The following GPC6 variants were observed in gnomAD, a reference collection of about 807,000 sequenced individuals.
The protein encoded by GPC6 is glypican-6.
In GPC6, 14 loss-of-function variants were observed where a neutral mutation model predicts 55.2. That is an observed-to-expected ratio of 0.25 (90% CI 0.17 to 0.40). GPC6 has a LOEUF of 0.40. GPC6 is among the 10% of genes least tolerant of loss of function. GPC6 has a pLI of 1.00. For missense variants in GPC6, 641 were observed against 708.5 expected (o/e 0.90, Z 1.08); for synonymous variants, 278 against 259.6 (o/e 1.07, Z -0.68).
At chr13:93,245,223 AAC>A (rs1876558380) in intron 1 of GPC6, among the ~76,000 whole-genome samples, 1 of 152,230 alleles carries the variant, frequency 6.6e-6, no homozygotes, top group South Asian at 2.1e-4. Flanking sequence ...CTTAAAATTT[AAC>A]AGTCTTCTAG....
chr13:94,162,418 C>T (rs762966163), intron 4 of GPC6, among the ~76,000 whole-genome samples: 3 of 152,158 alleles, frequency 2.0e-5, no homozygotes, highest in African/African-American at 4.8e-5. Context: ...TTGCAAGGAT[C>T]CCTCAGCAAA....
intron 2 of GPC6, among the ~76,000 whole-genome samples, chr13:93,684,309 C>G (rs1039824831): frequency 2.6e-5 from 4 of 152,022 alleles, no homozygotes; most frequent in Non-Finnish European, 5.9e-5. Flanking sequence ...CCTCAACCTC[C>G]CGAGTAGCTG....
chr13:93,911,558 G>T (rs912760235), intron 3 of GPC6, among the ~76,000 whole-genome samples: 1 of 152,182 alleles, frequency 6.6e-6, no homozygotes, highest in Non-Finnish European at 1.5e-5. Flanking sequence ...CTGCATGGCA[G>T]TGTTGGGAAA....
intron 4 of GPC6, among the ~76,000 whole-genome samples, chr13:94,181,335 C>G (rs1888986078): frequency 1.3e-5 from 2 of 152,166 alleles, no homozygotes; most frequent in Non-Finnish European, 2.9e-5. Context: ...AAATTTCTCT[C>G]TTTGTACTCT....
At chr13:93,864,179 C>G (rs1223442947) in intron 3 of GPC6, among the ~76,000 whole-genome samples, 3 of 151,548 alleles carry the variant, frequency 2.0e-5, no homozygotes, top group Non-Finnish European at 4.4e-5. Context: ...TTATAATAAC[C>G]AAATTAATAT....
rs1458665357 is a variant in GPC6 at position 93,541,349 on chromosome 13, C to T, written c.161-3914C>T. On this transcript the variant is annotated intron_variant, in intron 1 of 8. Coordinates refer to ENST00000377047, the MANE Select transcript of GPC6 (RefSeq NM_005708.5). ...ATTTCATCCATGTCCCTACAAAGGA[C>T]ATGAACTCATCATTTTTTATGGCTG... 1.7e-4 allele frequency among the ~76,000 whole-genome samples: 24 copies of T among 137,518 alleles called. 1 individual carries two copies. The highest frequency in any genetic ancestry group is 6.3e-5 in the Non-Finnish European group (4 of 63,828). 90.2% of individuals were successfully genotyped at this position (137,518 alleles called of 152,430 possible).
intron 1 of GPC6, among the ~76,000 whole-genome samples, chr13:93,472,481 G>A (rs11619626): frequency 0.15 from 22,159 of 152,216 alleles, 1,848 homozygotes; most frequent in Non-Finnish European, 0.19. Flanking sequence ...TCCAGGTGCC[G>A]GCATGGGCGC....
At chr13:93,385,896 A>G (rs1875377121) in intron 1 of GPC6, among the ~76,000 whole-genome samples, 1 of 152,072 alleles carries the variant, frequency 6.6e-6, no homozygotes, top group South Asian at 2.1e-4. Flanking sequence ...TCAGAGTTTT[A>G]CAATTCTCAT....
chr13:94,304,341 A>G (rs1413775519), intron 5 of GPC6, among the ~76,000 whole-genome samples: 1 of 152,216 alleles, frequency 6.6e-6, no homozygotes, highest in Non-Finnish European at 1.5e-5. Context: ...ATTGTGTCTC[A>G]AGACGGAATT....
intron 1 of GPC6, among the ~76,000 whole-genome samples, chr13:93,353,992 T>A (rs1277896098): frequency 3.3e-5 from 5 of 152,218 alleles, no homozygotes; most frequent in Non-Finnish European, 5.9e-5. Flanking sequence ...GAACTCTTGA[T>A]GTTTTCCAAG....
intron 2 of GPC6, among the ~76,000 whole-genome samples, chr13:93,738,964 CACACACACTCACACACAT>C (rs1884101971): frequency 6.8e-6 from 1 of 146,094 alleles, no homozygotes; most frequent in Non-Finnish European, 1.5e-5. Flanking sequence ...CACACACACA[CACACACACTCACACACAT>C]GAAATATCAA....
intron 3 of GPC6, among the ~76,000 whole-genome samples, chr13:93,928,046 T>C (rs577306721): frequency 6.6e-6 from 1 of 152,228 alleles, no homozygotes; most frequent in South Asian, 2.1e-4. Context: ...GGTTCCTTTA[T>C]TGATTTCCTG....
intron 1 of GPC6, among the ~76,000 whole-genome samples, chr13:93,400,252 TTTC>T (rs1269595472): frequency 2.6e-5 from 4 of 152,218 alleles, no homozygotes; most frequent in South Asian, 2.1e-4. Context: ...TTCCTTTCCT[TTTC>T]TTCTTCTCTT....
At chr13:93,322,967 T>A (rs1167539314) in intron 1 of GPC6, among the ~76,000 whole-genome samples, 1 of 151,714 alleles carries the variant, frequency 6.6e-6, no homozygotes, top group Non-Finnish European at 1.5e-5. Flanking sequence ...AGTCTTAGGG[T>A]CTGGAACAAA....
intron 2 of GPC6, among the ~76,000 whole-genome samples, chr13:93,778,810 A>G (rs1885546956): frequency 6.6e-6 from 1 of 152,138 alleles, no homozygotes; most frequent in African/African-American, 2.4e-5. Context: ...CCCATGGGAA[A>G]ATATGTGGGA....
At chr13:94,179,770 C>T (rs1287977658) in intron 4 of GPC6, among the ~76,000 whole-genome samples, 3 of 152,064 alleles carry the variant, frequency 2.0e-5, no homozygotes, top group African/African-American at 7.2e-5. Flanking sequence ...GAGGTAATAC[C>T]ACTATGAAAT....
At chr13:93,217,244 TTTAAG>T in the GPC6 span, among the ~76,000 whole-genome samples, 3 of 152,224 alleles carry the variant, frequency 2.0e-5, no homozygotes, top group Non-Finnish European at 4.4e-5. Flanking sequence ...TACAAAATAG[TTTAAG>T]TTCTTTCATG....
chr13:93,440,511 C>T (rs947623634), intron 1 of GPC6, among the ~76,000 whole-genome samples: 2 of 152,172 alleles, frequency 1.3e-5, no homozygotes, highest in Non-Finnish European at 2.9e-5. Context: ...TAATGTCTTA[C>T]CAAGTACCCA....
At chr13:93,388,235 A>T (rs529516863) in intron 1 of GPC6, among the ~76,000 whole-genome samples, 55 of 151,938 alleles carry the variant, frequency 3.6e-4, no homozygotes, top group Non-Finnish European at 6.9e-4. Context: ...CTCTTTAAGG[A>T]TGTGCATCCT....
Sources: allele counts gnomAD v4.1 joint callset (sites outside exome capture counted in the v4.1 genomes callset), GRCh38; gene constraint gnomAD v4.1.1; transcripts MANE v1.5; gene names NCBI Gene and HGNC (gene_info 2026-07-23, HGNC 2026-07-21).